NRG2: variants seen among roughly 807,000 people sequenced by gnomAD.
The protein encoded by NRG2 is pro-neuregulin-2, membrane-bound isoform.
Under a neutral mutation model 73.9 loss-of-function variants are expected in NRG2, and 27 were observed. That is an observed-to-expected ratio of 0.37 (90% CI 0.27 to 0.50). The LOEUF is 0.50. NRG2 is among the 20% of genes least tolerant of loss of function. NRG2 has a pLI of 0.96. For synonymous variants in NRG2, 532 were observed against 541.0 expected (o/e 0.98, Z 0.23); for missense variants, 1,126 against 1,210.1 (o/e 0.93, Z 1.03).
At chr5:139,873,064 C>T (rs1428607498) in intron 3 of NRG2, among the ~76,000 whole-genome samples, 1 of 152,108 alleles carries the variant, frequency 6.6e-6, no homozygotes, top group Admixed American at 6.5e-5. Context: ...GGCAGGCAGT[C>T]GGCACCCTCA....
At chr5:139,981,883 C>T (rs1428164801) in intron 1 of NRG2, among the ~76,000 whole-genome samples, 1 of 152,152 alleles carries the variant, frequency 6.6e-6, no homozygotes, top group African/African-American at 2.4e-5. Flanking sequence ...GCCTGCTAAC[C>T]TAGAGGGGAT....
At chr5:140,012,504 G>A (rs878932000) in intron 1 of NRG2, among the ~76,000 whole-genome samples, 1 of 152,082 alleles carries the variant, frequency 6.6e-6, no homozygotes, top group Admixed American at 6.5e-5. Context: ...TAGTCGTCTT[G>A]TGCTCCACCT....
intron 1 of NRG2, among the ~76,000 whole-genome samples, chr5:140,001,314 A>C (rs998538149): frequency 6.6e-6 from 1 of 152,228 alleles, no homozygotes; most frequent in African/African-American, 2.4e-5. Flanking sequence ...TATTTAATAC[A>C]TACCTACAGC....
chr5:139,975,789 A>T (rs909758463), intron 1 of NRG2, among the ~76,000 whole-genome samples: 1 of 152,344 alleles, frequency 6.6e-6, no homozygotes, highest in Admixed American at 6.5e-5. Flanking sequence ...CACCAGAAGA[A>T]AACTGTCTGT....
intron 1 of NRG2, among the ~76,000 whole-genome samples, chr5:139,989,028 A>T (rs1757380664): frequency 6.6e-6 from 1 of 152,070 alleles, no homozygotes; most frequent in African/African-American, 2.4e-5. Context: ...AATTTGTTTG[A>T]AGATTAAGGT....
At chr5:140,014,034 C>A (rs552125991) in intron 1 of NRG2, among the ~76,000 whole-genome samples, 42 of 152,206 alleles carry the variant, frequency 2.8e-4, no homozygotes, top group Non-Finnish European at 1.2e-4. Flanking sequence ...GTGATCTCAA[C>A]TACTTTCATA....
chr5:139,851,613 T>G lies in NRG2; in HGVS notation c.1763A>C (p.His588Pro), dbSNP rs1761424873. The G allele has an allele frequency of 6.2e-7, 1 of 1,613,956 alleles. No individual in the cohort carries two copies. The highest frequency in any genetic ancestry group is 8.5e-7 in the Non-Finnish European group (1 of 1,179,942). Reference protein sequence around the residue: ...DSVDSLRDSPHSERYVSALTT... With the variant: ...DSVDSLRDSPPSERYVSALTT... The stretch of plus-strand genomic sequence containing the variant: ...GGGGGTAGGAACTGACCTCTCGCTG[T>G]GTGGGGAGTCGCGAAGGGAGTCCAC... Residue 588 changes from histidine to proline, a missense_variant, in exon 9 of 10, where the codon CAC (histidine) becomes CCC (proline). Around this residue, in one of 3 missense-constraint regions of NRG2, gnomAD observed 539 missense variants for 703.2 expected, o/e 0.77. Transcript: ENST00000361474. This position sits in a 1 kb window ranked among gnomAD's most constrained non-coding sequence, Gnocchi z 4.2.
chr5:139,988,727 T>A (rs1385621603), intron 1 of NRG2, among the ~76,000 whole-genome samples: 1 of 151,976 alleles, frequency 6.6e-6, no homozygotes, highest in East Asian at 1.9e-4. Context: ...CTTATACACA[T>A]GTCCAAACCC....
chr5:139,867,814 G>A (rs1187387359), intron 4 of NRG2, among the ~76,000 whole-genome samples: 3 of 150,538 alleles, frequency 2.0e-5, no homozygotes, highest in African/African-American at 2.4e-5. Context: ...GTGTGTGTGT[G>A]TGTGTGTGTG....
chr5:139,956,911 C>A (rs1424784136), intron 1 of NRG2, among the ~76,000 whole-genome samples: 1 of 152,234 alleles, frequency 6.6e-6, no homozygotes, highest in Admixed American at 6.5e-5. Context: ...GAAAAATGGG[C>A]TACCATCTGG....
intron 5 of NRG2, among the ~76,000 whole-genome samples, chr5:139,863,376 T>A (rs1561634028): frequency 6.6e-6 from 1 of 152,182 alleles, no homozygotes; most frequent in Non-Finnish European, 1.5e-5. Context: ...TACGAAAAGG[T>A]AACAGTCAAG....
intron 1 of NRG2, among the ~76,000 whole-genome samples, chr5:140,033,608 C>T (rs1432819366): frequency 2.0e-5 from 3 of 152,220 alleles, no homozygotes; most frequent in Non-Finnish European, 2.9e-5. Context: ...ACACACATAA[C>T]CCATTCTCTT....
chr5:139,923,459 A>G (rs2126331145), intron 1 of NRG2, among the ~76,000 whole-genome samples: 1 of 152,252 alleles, frequency 6.6e-6, no homozygotes, highest in South Asian at 2.1e-4. Flanking sequence ...ACTTGCTAAG[A>G]AACCCTGGTT....
intron 1 of NRG2, among the ~76,000 whole-genome samples, chr5:139,971,118 G>T (rs1444097671): frequency 1.3e-5 from 2 of 152,128 alleles, no homozygotes; most frequent in Non-Finnish European, 2.9e-5. Context: ...CTGGGCCATA[G>T]TAAAGGACTA....
chr5:139,849,429 A>G (rs1459618600), intron 9 of NRG2, among the ~76,000 whole-genome samples: 1 of 152,094 alleles, frequency 6.6e-6, no homozygotes, highest in Non-Finnish European at 1.5e-5. Flanking sequence ...GAGTACCAAG[A>G]TCCCATGAGG....
intron 1 of NRG2, among the ~76,000 whole-genome samples, chr5:139,977,308 C>G (rs1039990320): frequency 2.6e-5 from 4 of 152,066 alleles, no homozygotes; most frequent in African/African-American, 9.7e-5. Flanking sequence ...GTTGTCCTTG[C>G]TATAGAGGGG....
chr5:139,935,922 G>A (rs1236905449), intron 1 of NRG2, among the ~76,000 whole-genome samples: 4 of 147,662 alleles, frequency 2.7e-5, no homozygotes, highest in Non-Finnish European at 5.9e-5. Flanking sequence ...CTGCACCACT[G>A]CACTTCAGCC....
chr5:139,949,584 A>AT (rs1335245776), intron 1 of NRG2, among the ~76,000 whole-genome samples: 2 of 152,148 alleles, frequency 1.3e-5, no homozygotes, highest in Non-Finnish European at 2.9e-5. Flanking sequence ...GTACATATAT[A>AT]TTTTTTTCCT....
In NRG2 at chr5:140,008,621, T is replaced by C. The variant is rs150416742; in HGVS notation, c.700+33749A>G. Among the ~76,000 whole-genome samples the C allele has an allele frequency of 5.9e-5, 9 of 152,316 alleles. No homozygotes were observed. The East Asian group carries it at 1.3e-3, about 23-fold the overall frequency. On this transcript the variant is annotated intron_variant, in intron 1 of 9. Coordinates refer to ENST00000361474, the MANE Select transcript of NRG2 (RefSeq NM_004883.3). This position sits in a 1 kb window ranked among gnomAD's most constrained non-coding sequence, Gnocchi z 4.2. The stretch of plus-strand genomic sequence containing the variant: ...AAACTAAAACCAAATGAAATGTATA[T>C]ACACTACAGTGAATTCCAGACGGGT...
Sources: gnomAD v4.1 joint callset for allele counts (sites outside exome capture counted in the v4.1 genomes callset) on GRCh38, gnomAD v4.1.1 for gene constraint, gnomAD v4.1.1 regional missense constraint, Gnocchi (gnomAD v3.1) non-coding constraint, MANE v1.5 for transcripts, NCBI Gene and HGNC (gene_info 2026-07-23, HGNC 2026-07-21) for gene names.